NFX1: variants seen among roughly 807,000 people sequenced by gnomAD.
NFX1 encodes nuclear transcription factor, X-box binding 1.
A neutral mutation model predicts 137.2 loss-of-function variants in NFX1; 69 were observed. The observed-to-expected ratio is 0.50, with a 90% CI of 0.41 to 0.61. The LOEUF (loss-of-function observed/expected upper bound fraction) is 0.61. Ranked by LOEUF, NFX1 falls within the 20% of genes least tolerant of loss-of-function variation. The probability of loss-of-function intolerance (pLI) is 0.00; values close to 1 mark genes in which losing one functional copy is unlikely to be tolerated. For synonymous variants in NFX1, 495 were observed against 474.1 expected (o/e 1.04, Z -0.57); for missense variants, 1,167 against 1,391.0 (o/e 0.84, Z 2.56).
intron 9 of NFX1, among the ~76,000 whole-genome samples, chr9:33,327,448 T>C (rs1301361066): frequency 1.3e-5 from 2 of 152,202 alleles, no homozygotes; most frequent in African/African-American, 4.8e-5. Context: ...CACTGCAACC[T>C]CCGCCTCCCA....
intron 23 of NFX1, among the ~76,000 whole-genome samples, chr9:33,368,214 G>A (rs894964767): frequency 3.9e-5 from 6 of 151,934 alleles, no homozygotes; most frequent in Admixed American, 2.0e-4. Flanking sequence ...CACCCTGGGC[G>A]ACAGAGAGAC....
intron 9 of NFX1, among the ~76,000 whole-genome samples, chr9:33,322,673 A>T (rs1564119470): frequency 1.3e-5 from 2 of 152,166 alleles, no homozygotes. Context: ...CCAAGAAGGC[A>T]AGAGGCTACT....
intron 6 of NFX1, among the ~76,000 whole-genome samples, chr9:33,311,498 A>G (rs1821957508): frequency 6.6e-6 from 1 of 152,216 alleles, no homozygotes; most frequent in Non-Finnish European, 1.5e-5. Flanking sequence ...AAGAAGTTAT[A>G]TGCACAATGA....
At chr9:33,336,931 G>A (rs918209912) in intron 11 of NFX1, among the ~76,000 whole-genome samples, 11 of 152,246 alleles carry the variant, frequency 7.2e-5, no homozygotes, top group South Asian at 2.1e-4. Context: ...GTGAAACCCC[G>A]TCTCTACTAA....
At chr9:33,369,770 A>G (rs1564155527) in intron 23 of NFX1, 136 bp from the exon 24 acceptor site, 4 of 728,220 alleles carry the variant, frequency 5.5e-6, no homozygotes, top group Non-Finnish European at 9.1e-6. Context: ...GAAGGAAAAA[A>G]AGTAAGACTA....
intron 1 of NFX1, among the ~76,000 whole-genome samples, chr9:33,290,990 G>C (rs1821139020): frequency 6.6e-6 from 1 of 152,188 alleles, no homozygotes; most frequent in Non-Finnish European, 1.5e-5. Flanking sequence ...TGGAGTGGTG[G>C]CGTGGGCGCG....
At position 33,336,514 on chromosome 9, in the gene NFX1, T is replaced by A. The variant is rs1373262924; in HGVS notation, c.2036-1996T>A. On this transcript the variant is annotated intron_variant, in intron 11 of 23. Coordinates refer to ENST00000379540, the MANE Select transcript of NFX1 (RefSeq NM_002504.6). ...CAGGCGTGAGCCACCGCACCGACCA[T>A]TTTTGGGGCTTTTTAAATCATAGCC... Among the ~76,000 whole-genome samples, 3 of 152,044 alleles carry A rather than the reference T, an allele frequency of 2.0e-5. No individual in the cohort carries two copies. The East Asian group carries it at 5.8e-4, about 29-fold the overall frequency.
At position 33,290,548 on chromosome 9, in the gene NFX1, C is replaced by G. The variant is rs777199700; in HGVS notation, c.-25C>G. On this transcript the variant is annotated 5_prime_UTR_variant, in exon 1 of 24. Transcript: ENST00000379540. ...TGACAGTGCTGACTTGGCTGTACAG[C>G]TCGATCTAGGTTCTGCGGCACGGGA... is the stretch of plus-strand genomic sequence containing the variant. The G allele has an allele frequency of 2.4e-5, 38 of 1,613,872 alleles. No homozygotes were observed. Among genetic ancestry groups the G allele is most frequent in the Non-Finnish European group, 3.4e-6 (4 of 1,179,948 alleles).
chr9:33,353,780 C>A lies in NFX1; in HGVS notation c.2730-306C>A, dbSNP rs185495156. Among the ~76,000 whole-genome samples, 16 of 151,484 alleles carry A rather than the reference C, an allele frequency of 1.1e-4. No individual in the cohort carries two copies. The East Asian group carries it at 1.8e-3, about 17-fold the overall frequency. On this transcript the variant is annotated intron_variant, in intron 17 of 23. Transcript: ENST00000379540. The stretch of plus-strand genomic sequence containing the variant: ...CTCGGCTCACTGCAACCTGCACCTC[C>A]CAGGTTCAAGTGATTCTCCTGCTTC...
chr9:33,338,432 T>C (rs1045636358), intron 11 of NFX1, 78 bp from the exon 12 acceptor site: 1 of 1,197,532 alleles, frequency 8.4e-7, no homozygotes, highest in Admixed American at 1.8e-5. Context: ...TTTGAGCCTA[T>C]AGTTACTCAA....
chr9:33,335,061 T>C (rs1372390530), intron 11 of NFX1, among the ~76,000 whole-genome samples: 1 of 152,182 alleles, frequency 6.6e-6, no homozygotes, highest in Admixed American at 6.5e-5. Flanking sequence ...ATTTCACCCA[T>C]AAATACTTCA....
intron 17 of NFX1, among the ~76,000 whole-genome samples, chr9:33,353,090 A>G (rs937898406): frequency 1.3e-5 from 2 of 152,230 alleles, no homozygotes; most frequent in African/African-American, 4.8e-5. Flanking sequence ...CTCTAGTTCA[A>G]AGAAACAGTG....
chr9:33,322,823 C>T (rs1019892485), intron 9 of NFX1, among the ~76,000 whole-genome samples: 2 of 152,170 alleles, frequency 1.3e-5, no homozygotes, highest in African/African-American at 4.8e-5. Flanking sequence ...GGCCTAAGGA[C>T]ACTTTAGAAA....
At chr9:33,354,815 A>C in intron 18 of NFX1, 36 bp from the exon 19 acceptor site, 1 of 1,598,840 alleles carries the variant, frequency 6.3e-7, no homozygotes, top group Non-Finnish European at 8.5e-7. Flanking sequence ...TACAGTCTGT[A>C]TTCTGACTTT....
intron 19 of NFX1, among the ~76,000 whole-genome samples, chr9:33,360,721 A>G (rs975495136): frequency 6.6e-6 from 1 of 152,210 alleles, no homozygotes; most frequent in Admixed American, 6.5e-5. Flanking sequence ...CAGCCCACAG[A>G]CAGGTTTTAT....
intron 16 of NFX1, 61 bp downstream of exon 16, chr9:33,351,851 A>G (rs1426043595): frequency 7.1e-7 from 1 of 1,407,618 alleles, no homozygotes; most frequent in Admixed American, 2.4e-5. Context: ...TAGTGAATCC[A>G]GAACTGTCTA....
intron 2 of NFX1, among the ~76,000 whole-genome samples, chr9:33,298,739 G>A (rs1321137852): frequency 6.6e-6 from 1 of 152,138 alleles, no homozygotes; most frequent in Non-Finnish European, 1.5e-5. Context: ...AGTAGTGGTT[G>A]TGCCACTGCA....
intron 6 of NFX1, among the ~76,000 whole-genome samples, chr9:33,312,390 TA>T: frequency 6.6e-6 from 1 of 152,354 alleles, no homozygotes; most frequent in Middle Eastern, 3.4e-3. Flanking sequence ...GGCAGCATAA[TA>T]GGCTAGTGTT....
chr9:33,311,028 A>G (rs976982126), intron 5 of NFX1, 78 bp from the exon 6 acceptor site: 7 of 1,345,506 alleles, frequency 5.2e-6, no homozygotes, highest in Admixed American at 3.5e-5. Context: ...CATATTCACA[A>G]TAAGACCCAG....
Sources: gnomAD v4.1 joint callset for allele counts (sites outside exome capture counted in the v4.1 genomes callset) on GRCh38, gnomAD v4.1.1 for gene constraint, MANE v1.5 for transcripts, NCBI Gene and HGNC (gene_info 2026-07-23, HGNC 2026-07-21) for gene names.